Variants in PCDHA7 observed in about 807,000 individuals in gnomAD.
PCDHA7 encodes protocadherin alpha 7.
Under a neutral mutation model 57.2 loss-of-function variants are expected in PCDHA7, and 37 were observed. That is an observed-to-expected ratio of 0.65 (90% CI 0.50 to 0.85). The LOEUF (loss-of-function observed/expected upper bound fraction) is 0.85, where lower values mean the gene tolerates loss of function less well. Ranked by LOEUF, PCDHA7 falls within the 40% of genes least tolerant of loss-of-function variation. The pLI is 0.00. For synonymous variants in PCDHA7, 553 were observed against 558.8 expected, an observed-to-expected ratio of 0.99 and a Z score of 0.15; for missense variants, 1,188 against 1,241.8, an observed-to-expected ratio of 0.96 and a Z score of 0.65.
chr5:140,985,845 C>T (rs1381097554), intron 3 of PCDHA7, among the ~76,000 whole-genome samples: 1 of 150,700 alleles, frequency 6.6e-6, no homozygotes, highest in African/African-American at 2.4e-5. Flanking sequence ...GTTCATGCCA[C>T]TCTCCTGCCT....
At chr5:140,941,214 C>CTTCCTTTCTTTCTTTCTTTCTTT (rs1554214039) in intron 1 of PCDHA7, among the ~76,000 whole-genome samples, 1 of 122,414 alleles carries the variant, frequency 8.2e-6, no homozygotes. Flanking sequence ...TTTCTTTCTT[C>CTTCCTTTCTTTCTTTCTTTCTTT]CTTTCTTTCT....
intron 1 of PCDHA7, chr5:140,928,995 C>T (rs1554206548): frequency 1.2e-6 from 2 of 1,613,798 alleles, no homozygotes; most frequent in Non-Finnish European, 1.7e-6. Flanking sequence ...GCTTACTTTT[C>T]TTCGTGTGTA....
At chr5:141,007,777 T>G (rs1467527710) in intron 3 of PCDHA7, among the ~76,000 whole-genome samples, 2 of 152,226 alleles carry the variant, frequency 1.3e-5, no homozygotes, top group Non-Finnish European at 2.9e-5. Flanking sequence ...GAAATGGTAC[T>G]GCTTTACAAA....
rs782779617 is a variant in PCDHA7 at position 140,857,239 on chromosome 5, G to C, written c.2355+20501G>C. On this transcript the variant is annotated intron_variant, in intron 1 of 3. Coordinates refer to ENST00000525929, the MANE Select transcript of PCDHA7 (RefSeq NM_018910.3). ...CGCCTCACGTTCCGTTCAAGCTGGT[G>C]TCCACCTACAAGAATTACTACTCAT... is the stretch of plus-strand genomic sequence containing the variant. The C allele has an allele frequency of 6.9e-6, 11 of 1,598,550 alleles. 2 individuals carry two copies. The highest frequency in any genetic ancestry group is 7.7e-6 in the Non-Finnish European group (9 of 1,167,946).
In PCDHA7 at chr5:140,835,906, T is replaced by G. The variant is rs2150248059; in HGVS notation, c.1523T>G (p.Val508Gly). 1.2e-6 allele frequency: 2 copies of G among 1,612,190 alleles called. No homozygotes were observed. The highest frequency in any genetic ancestry group is 1.7e-5 in the Admixed American group (1 of 60,010). ...GGCGAGCGCGCGCTGTCGAGCTACG[T>G]GTCAGTGCACGCGGAGAGCGGCAAG... Reference protein sequence around the residue: ...RVGERALSSYVSVHAESGKVY... With the variant: ...RVGERALSSYGSVHAESGKVY... Residue 508 changes from valine (V) to glycine (G), a missense_variant, in exon 1 of 4, where the codon GTG becomes GGG. By Grantham distance (109) the Val-to-Gly change is moderately radical. Coordinates refer to ENST00000525929, the MANE Select transcript of PCDHA7 (RefSeq NM_018910.3).
intron 1 of PCDHA7, among the ~76,000 whole-genome samples, chr5:140,941,445 A>C (rs1472770794): frequency 8.0e-5 from 12 of 149,892 alleles, no homozygotes; most frequent in Middle Eastern, 6.8e-3. Context: ...CCTCGGGAGT[A>C]GCTGGGATTA....
Position 140,850,168 on chromosome 5 carries a change from A to G in PCDHA7, c.2355+13430A>G. 6.3e-7 allele frequency: 1 copy of G among 1,594,824 alleles called. No homozygotes were observed. The highest frequency in any genetic ancestry group is 8.6e-7 in the Non-Finnish European group (1 of 1,167,786). ...ACGCTGCAGGTGTTCGTGCTGGACGAGAACGACAATGCGCCGGCGCTGCTG... is the reference window on the plus strand; with the variant it reads ...ACGCTGCAGGTGTTCGTGCTGGACGGGAACGACAATGCGCCGGCGCTGCTG... On this transcript the variant is annotated intron_variant, in intron 1 of 3. Coordinates refer to ENST00000525929, the MANE Select transcript of PCDHA7 (RefSeq NM_018910.3).
At chr5:140,842,727 C>T (rs1554139317) in intron 1 of PCDHA7, 3 of 1,594,926 alleles carry the variant, frequency 1.9e-6, no homozygotes, top group Non-Finnish European at 1.7e-6. Context: ...GAGAACAACC[C>T]GCCGGGCTGC....
intron 1 of PCDHA7, among the ~76,000 whole-genome samples, chr5:140,889,433 G>A (rs994872798): frequency 8.6e-5 from 13 of 151,828 alleles, no homozygotes; most frequent in Non-Finnish European, 1.9e-4. Context: ...TATTTTTTCA[G>A]GTATTTTCCT....
intron 1 of PCDHA7, 95 bp downstream of exon 1, chr5:140,836,833 A>G (rs2150270629): frequency 1.5e-5 from 13 of 887,974 alleles, no homozygotes; most frequent in Non-Finnish European, 2.2e-5. Flanking sequence ...TTTAGTTGAT[A>G]GCTTTATGTA....
At chr5:140,954,222 G>A (rs2094999300) in intron 1 of PCDHA7, among the ~76,000 whole-genome samples, 1 of 152,132 alleles carries the variant, frequency 6.6e-6, no homozygotes, top group African/African-American at 2.4e-5. Context: ...TTTTGCTATT[G>A]TGAATAGTGC....
intron 1 of PCDHA7, among the ~76,000 whole-genome samples, chr5:140,959,659 A>G (rs1020730964): frequency 6.6e-6 from 1 of 152,250 alleles, no homozygotes; most frequent in Non-Finnish European, 1.5e-5. Context: ...AAATTGAAGA[A>G]TTTGTAAATC....
intron 1 of PCDHA7, among the ~76,000 whole-genome samples, chr5:140,958,215 T>G (rs1554223379): frequency 6.6e-6 from 1 of 152,132 alleles, no homozygotes; most frequent in Non-Finnish European, 1.5e-5. Context: ...GAATTAGATT[T>G]TAAAGGACTT....
chr5:140,871,610 T>C (rs2053222652), intron 1 of PCDHA7: 1 of 1,429,404 alleles, frequency 7.0e-7, no homozygotes, highest in South Asian at 1.5e-5. Context: ...GTTTTGAATA[T>C]TGTTTTAGAT....
At chr5:140,893,818 G>A (rs184696543) in intron 1 of PCDHA7, among the ~76,000 whole-genome samples, 14 of 152,114 alleles carry the variant, frequency 9.2e-5, no homozygotes, top group Admixed American at 3.3e-4. Context: ...GTCTGGTACC[G>A]TAGACTACTC....
rs1169646324 is a variant in PCDHA7 at position 141,011,134 on chromosome 5, ATACACAACCT to A, written c.*1199_*1208del. The A allele has an allele frequency of 6.5e-6, 1 of 153,688 alleles. No homozygotes were observed. Among genetic ancestry groups the A allele is most frequent in the East Asian group, 1.9e-4 (1 of 5,194 alleles). The allele number at this position is 153,688 out of a possible 1,614,324, so 9.5% of individuals were successfully genotyped here. ...CTAAGAAACAATTATGTGCACTTTG[ATACACAACCT>A]TCTCTAACCAACTATATATCAAGAC... On this transcript the variant is annotated 3_prime_UTR_variant, in exon 4 of 4. Transcript: ENST00000525929.
intron 1 of PCDHA7, chr5:140,852,643 C>A: frequency 2.1e-6 from 2 of 958,796 alleles, no homozygotes; most frequent in Non-Finnish European, 2.5e-6. Context: ...TGTCATTAAA[C>A]CTATCTATAT....
intron 1 of PCDHA7, 149 bp from the exon 2 acceptor site, chr5:140,978,800 T>C: frequency 6.8e-7 from 1 of 1,480,668 alleles, no homozygotes; most frequent in South Asian, 1.4e-5. Flanking sequence ...TATATGTAGA[T>C]ATCATCATAG....
At chr5:140,934,312 A>G (rs2089755727) in intron 1 of PCDHA7, among the ~76,000 whole-genome samples, 1 of 152,108 alleles carries the variant, frequency 6.6e-6, no homozygotes, top group South Asian at 2.1e-4. Context: ...CTTACTGCAA[A>G]TGTCCAATCA....
Sources: gnomAD v4.1 joint callset for allele counts (sites outside exome capture counted in the v4.1 genomes callset) on GRCh38, gnomAD v4.1.1 for gene constraint, MANE v1.5 for transcripts, NCBI Gene and HGNC (gene_info 2026-07-23, HGNC 2026-07-21) for gene names.